KIAA0930: variants seen among roughly 807,000 people sequenced by gnomAD.
KIAA0930 encodes the protein KIAA0930, also known as uncharacterized protein KIAA0930.
In KIAA0930, 24 loss-of-function variants were observed where a neutral mutation model predicts 43.9. The ratio of observed to expected loss-of-function variants is 0.55; its 90% confidence interval spans 0.40 to 0.77. The LOEUF (loss-of-function observed/expected upper bound fraction) is 0.77, where lower values mean the gene tolerates loss of function less well. Among genes scored for constraint, KIAA0930 ranks in the 30% least tolerant of loss-of-function variants. The pLI is 0.00. For synonymous variants in KIAA0930, 259 were observed against 216.4 expected, an observed-to-expected ratio of 1.20 and a Z score of -1.73; for missense variants, 461 against 574.2, an observed-to-expected ratio of 0.80 and a Z score of 2.02.
At chr22:45,200,413 C>T (rs1001875920) in intron 7 of KIAA0930, among the ~76,000 whole-genome samples, 2 of 152,186 alleles carry the variant, frequency 1.3e-5, no homozygotes, top group Non-Finnish European at 2.9e-5. Context: ...GAGCCTCCAG[C>T]TCCGTGAGAC....
chr22:45,204,272 CG>C (rs2083616234), intron 5 of KIAA0930, among the ~76,000 whole-genome samples: 1 of 152,188 alleles, frequency 6.6e-6, no homozygotes, highest in African/African-American at 2.4e-5. Flanking sequence ...CGTCAGCCAC[CG>C]TCTGGGCCCC....
chr22:45,212,192 C>G (rs749760575), intron 1 of KIAA0930, 85 bp from the exon 2 acceptor site: 2 of 1,613,100 alleles, frequency 1.2e-6, no homozygotes, highest in Non-Finnish European at 1.7e-6. Flanking sequence ...CGCCCATACC[C>G]CCACATTTCT....
Position 45,203,900 on chromosome 22 carries a change from AC to A in KIAA0930, c.601del (p.Val201SerfsTer20), listed in dbSNP as rs1382731869. On this transcript the variant is annotated frameshift_variant, in exon 6 of 10. Coordinates refer to ENST00000336156, the MANE Select transcript of KIAA0930 (RefSeq NM_001009880.2). LOFTEE classifies it high-confidence loss of function. ...GTAGCGGATGGAGCCCTGAAAGATG[AC>A]CCCCTGGAACGTGTTGGTTTTGTCA... ...ASDKTNTFQGVIFQGSIRYEA... is the reference protein window; with the variant it reads ...ASDKTNTFQGXIFQGSIRYEA... The A allele has an allele frequency of 1.2e-6, 2 of 1,613,604 alleles. No individual in the cohort carries two copies. Among genetic ancestry groups the A allele is most frequent in the Non-Finnish European group, 1.7e-6 (2 of 1,179,918 alleles).
chr22:45,212,191 C>A, intron 1 of KIAA0930, 84 bp from the exon 2 acceptor site: 3 of 1,613,168 alleles, frequency 1.9e-6, no homozygotes, highest in East Asian at 2.2e-5. Flanking sequence ...GCGCCCATAC[C>A]CCCACATTTC....
rs746653552 is a variant in KIAA0930 at position 45,200,299 on chromosome 22, A to AC, written c.853-265dup. 592 of 405,986 alleles carry AC rather than the reference A, an allele frequency of 1.5e-3. 1 individual carries two copies. The highest frequency in any genetic ancestry group is 2.0e-3 in the Non-Finnish European group (467 of 229,796). The allele number at this position is 405,986 out of a possible 1,614,324, so 25.1% of individuals were successfully genotyped here. The stretch of plus-strand genomic sequence containing the variant: ...GGCTGCTGCCGCAAATGGCAGAAAG[A>AC]CCCCCCTCCTCTGGGCCTCAAACAG... On this transcript the variant is annotated intron_variant, in intron 7 of 9. Transcript: ENST00000336156.
intron 2 of KIAA0930, 64 bp downstream of exon 2, chr22:45,211,892 G>T (rs928827921): frequency 5.9e-6 from 9 of 1,531,084 alleles, no homozygotes; most frequent in South Asian, 1.2e-5. Flanking sequence ...CATGTACACC[G>T]AGAGCAGACA....
intron 1 of KIAA0930, among the ~76,000 whole-genome samples, chr22:45,225,548 G>A (rs2083793845): frequency 6.6e-6 from 1 of 152,166 alleles, no homozygotes; most frequent in Admixed American, 6.5e-5. Flanking sequence ...CTTCTTCTCT[G>A]ACCAAACGCC....
rs758415177 is a variant in KIAA0930 at position 45,199,903 on chromosome 22, C to T, written c.985G>A (p.Glu329Lys). 5.6e-5 allele frequency: 89 copies of T among 1,597,104 alleles called. No individual in the cohort carries two copies. Among genetic ancestry groups the T allele is most frequent in the Non-Finnish European group, 6.9e-5 (81 of 1,168,540 alleles). The change falls in exon 8 of 10, where the codon GAG becomes AAG. Residue 329 changes from glutamate to lysine, a missense_variant. Physicochemically the swap from Glu to Lys is moderately conservative, Grantham distance 56. Coordinates refer to ENST00000336156, the MANE Select transcript of KIAA0930 (RefSeq NM_001009880.2). ...MKKSHSANDS[E>K]EFFREDDGGA... is the part of the protein sequence containing the mutation. ...CCGTCGTCCTCCCGGAAGAACTCCTCGCTGTCGTTGGCCGAGTGCGACTTC... is the reference window on the plus strand; with the variant it reads ...CCGTCGTCCTCCCGGAAGAACTCCTTGCTGTCGTTGGCCGAGTGCGACTTC...
chr22:45,199,747 T>C, intron 8 of KIAA0930, 126 bp downstream of exon 8: 2 of 1,012,372 alleles, frequency 2.0e-6, no homozygotes, highest in South Asian at 4.0e-5. Flanking sequence ...GCCTGGCACA[T>C]GGCACCCACT....
chr22:45,226,294 C>T (rs767984987), intron 1 of KIAA0930: 1 of 471,138 alleles, frequency 2.1e-6, no homozygotes, highest in South Asian at 1.5e-5. Flanking sequence ...GAAACCGAGA[C>T]CTTCAAGTCC....
chr22:45,213,204 G>A (rs1034222218), intron 1 of KIAA0930: 40 of 855,136 alleles, frequency 4.7e-5, no homozygotes, highest in Non-Finnish European at 6.3e-5. Flanking sequence ...CTTGGTTGAC[G>A]TCAGCCACAA....
chr22:45,220,880 C>T (rs572572504), intron 1 of KIAA0930, among the ~76,000 whole-genome samples: 110 of 151,362 alleles, frequency 7.3e-4, no homozygotes, highest in African/African-American at 2.4e-3. Flanking sequence ...TGTGCCCGGC[C>T]CCCCCAACCC....
chr22:45,229,829 C>T (rs1321719200), intron 1 of KIAA0930, among the ~76,000 whole-genome samples: 1 of 152,244 alleles, frequency 6.6e-6, no homozygotes, highest in Non-Finnish European at 1.5e-5. Context: ...TGCAGTGGCT[C>T]ATGCCTGTAA....
intron 7 of KIAA0930, among the ~76,000 whole-genome samples, chr22:45,200,423 CAG>C (rs2083577746): frequency 6.6e-6 from 1 of 152,174 alleles, no homozygotes; most frequent in South Asian, 2.1e-4. Context: ...CTCCGTGAGA[CAG>C]GGGCTAGCGT....
At chr22:45,222,855 G>A (rs1253075482) in intron 1 of KIAA0930, among the ~76,000 whole-genome samples, 1 of 152,130 alleles carries the variant, frequency 6.6e-6, no homozygotes, top group East Asian at 1.9e-4. Context: ...GACACAATTA[G>A]AGAAATGTAA....
chr22:45,221,360 G>A (rs751694877), intron 1 of KIAA0930, among the ~76,000 whole-genome samples: 2 of 152,186 alleles, frequency 1.3e-5, no homozygotes, highest in Admixed American at 6.5e-5. Context: ...ATGCCATGGC[G>A]ATATGTAAGG....
chr22:45,203,304 G>A lies in KIAA0930; in HGVS notation c.658-120C>T, dbSNP rs1601810378. ...CAAGGAGCGGGGGCTGCCCGGGAGGGAGCGTCTGAGCTGGCAGGCGGGGCA... is the reference window on the plus strand; with the variant it reads ...CAAGGAGCGGGGGCTGCCCGGGAGGAAGCGTCTGAGCTGGCAGGCGGGGCA... On this transcript the variant is annotated intron_variant, in intron 6 of 9. Coordinates refer to ENST00000336156, the MANE Select transcript of KIAA0930 (RefSeq NM_001009880.2). The A allele has an allele frequency of 7.0e-6, 7 of 1,003,310 alleles. No individual in the cohort carries two copies. In the East Asian group the frequency reaches 7.6e-5, roughly 11 times the overall value. The allele number at this position is 1,003,310 out of a possible 1,614,324, so 62.2% of individuals were successfully genotyped here.
chr22:45,223,790 C>G (rs1401379842), intron 1 of KIAA0930, among the ~76,000 whole-genome samples: 2 of 148,410 alleles, frequency 1.3e-5, no homozygotes, highest in Non-Finnish European at 3.0e-5. Context: ...CACCCAGGGT[C>G]AGCACTGAGA....
chr22:45,218,053 C>T (rs929151424), intron 1 of KIAA0930, among the ~76,000 whole-genome samples: 9 of 152,208 alleles, frequency 5.9e-5, no homozygotes, highest in East Asian at 1.9e-4. Context: ...TTCTGCACGA[C>T]GCTGGACTGG....
Sources: gnomAD v4.1 joint callset for allele counts (sites outside exome capture counted in the v4.1 genomes callset) on GRCh38, gnomAD v4.1.1 for gene constraint, MANE v1.5 for transcripts, NCBI Gene and HGNC (gene_info 2026-07-23, HGNC 2026-07-21) for gene names.